The following DIRAS1 variants were observed in gnomAD, a reference collection of about 807,000 sequenced individuals.
The protein encoded by DIRAS1 is GTP-binding protein Di-Ras1.
Under a neutral mutation model 11.5 loss-of-function variants are expected in DIRAS1, and 3 were observed. That is an observed-to-expected ratio of 0.26 (90% CI 0.12 to 0.67). The LOEUF (loss-of-function observed/expected upper bound fraction) is 0.67. Ranked by LOEUF, DIRAS1 falls within the 30% of genes least tolerant of loss-of-function variation. DIRAS1 has a pLI of 0.80. For synonymous variants in DIRAS1, 128 were observed against 125.8 expected (o/e 1.02, Z -0.12); for missense variants, 212 against 285.3 (o/e 0.74, Z 1.85).
rs1913873763 is a variant in DIRAS1, at chr19:2,718,254, C to G, written c.-69-379G>C. Among the ~76,000 whole-genome samples the G allele has an allele frequency of 6.6e-6, 1 of 151,734 alleles. No individual in the cohort carries two copies. The highest frequency in any genetic ancestry group is 2.1e-4 in the South Asian group (1 of 4,798). On this transcript the variant is annotated intron_variant, in intron 1 of 1. Transcript: ENST00000323469. The surrounding 1 kb of genome is among the most constrained non-coding windows in gnomAD (Gnocchi z 4.2). Reference sequence around the variant, plus strand: ...CAGGGGCCCCTGGAAGCTAGCAGGCCTGGCTTCCACCTCTCGCTCCACACC... The same window carrying G: ...CAGGGGCCCCTGGAAGCTAGCAGGCGTGGCTTCCACCTCTCGCTCCACACC...
At chr19:2,719,346 T>C (rs916164306) in intron 1 of DIRAS1, among the ~76,000 whole-genome samples, 1 of 152,162 alleles carries the variant, frequency 6.6e-6, no homozygotes, top group Non-Finnish European at 1.5e-5. Flanking sequence ...TGGTGTGCCC[T>C]AGCCCCTCCC....
chr19:2,720,589 G>A (rs1568295811), intron 1 of DIRAS1, among the ~76,000 whole-genome samples: 2 of 152,198 alleles, frequency 1.3e-5, no homozygotes, highest in African/African-American at 2.4e-5. Flanking sequence ...ACCCCCAGAC[G>A]TCCAGGCAGG....
intron 1 of DIRAS1, among the ~76,000 whole-genome samples, chr19:2,719,845 G>A (rs1407856527): frequency 6.6e-6 from 1 of 152,220 alleles, no homozygotes; most frequent in African/African-American, 2.4e-5. Context: ...CCTGTACAGC[G>A]GAGACCCCGA....
rs1310514248 is a variant in DIRAS1, at chr19:2,718,771, C to T, written c.-69-896G>A. 6.6e-6 allele frequency among the ~76,000 whole-genome samples: 1 copy of T among 152,002 alleles called. No individual in the cohort carries two copies. Among genetic ancestry groups the T allele is most frequent in the Non-Finnish European group, 1.5e-5 (1 of 68,014 alleles). ...AACTCCTGACCTCAGGTGATCCACC[C>T]ACCTCGGCCTCCCAAAGTGCTGGGG... On this transcript the variant is annotated intron_variant, in intron 1 of 1. Coordinates refer to ENST00000323469, the MANE Select transcript of DIRAS1 (RefSeq NM_145173.4). The surrounding 1 kb of genome is among the most constrained non-coding windows in gnomAD (Gnocchi z 4.2).
chr19:2,717,911 C>A (rs771323632), intron 1 of DIRAS1, 36 bp from the exon 2 acceptor site: 4 of 1,254,486 alleles, frequency 3.2e-6, no homozygotes, highest in South Asian at 2.9e-5. Context: ...CAAAGGCCAC[C>A]CAGGCTTGAG....
At position 2,717,135 on chromosome 19, in the gene DIRAS1, C is replaced by A. The variant is rs1053012805; in HGVS notation, c.*75G>T. The A allele has an allele frequency of 4.4e-6, 6 of 1,358,864 alleles. No individual in the cohort carries two copies. The highest frequency in any genetic ancestry group is 2.7e-4 in the Middle Eastern group (1 of 3,674). 84.2% of individuals were successfully genotyped at this position (1,358,864 alleles called of 1,614,324 possible). The stretch of plus-strand genomic sequence containing the variant: ...GAAGGATGAGAGAAGAGGAGGAGGC[C>A]GAGGAGGGTGTCGGTGTTGGGGGAG... On this transcript the variant is annotated 3_prime_UTR_variant, in exon 2 of 2. Coordinates refer to ENST00000323469, the MANE Select transcript of DIRAS1 (RefSeq NM_145173.4).
At chr19:2,719,582 C>T (rs1157964646) in intron 1 of DIRAS1, among the ~76,000 whole-genome samples, 3 of 27,398 alleles carry the variant, frequency 1.1e-4, no homozygotes, top group Admixed American at 4.6e-4. Flanking sequence ...TCTGGGGCAG[C>T]GGTGGGGGGT....
Position 2,717,374 on chromosome 19 carries a change from C to T in DIRAS1, c.433G>A (p.Ala145Thr), listed in dbSNP as rs769610964. ...ATCTTGGCCGAGGTCTCCATGAAAG[C>T]GCACTTCCACTCCTGGGCCACCGCC... ...AQAVAQEWKCAFMETSAKMNY... is the reference protein window; with the variant it reads ...AQAVAQEWKCTFMETSAKMNY... Residue 145 changes from alanine to threonine, a missense_variant, in exon 2 of 2, where the codon GCT becomes ACT. Ala to Thr is a moderately conservative substitution (Grantham distance 58). Transcript: ENST00000323469. 4 of 1,608,954 alleles carry T rather than the reference C, an allele frequency of 2.5e-6. No homozygotes were observed. Among genetic ancestry groups the T allele is most frequent in the Non-Finnish European group, 3.4e-6 (4 of 1,179,962 alleles).
At chr19:2,719,525 C>G (rs1412298916) in intron 1 of DIRAS1, among the ~76,000 whole-genome samples, 1 of 142,778 alleles carries the variant, frequency 7.0e-6, no homozygotes, top group East Asian at 2.0e-4. Context: ...GGGCGGGTGG[C>G]TTATCTCCAG....
In DIRAS1 at chr19:2,721,321, T is replaced by G. The variant is rs976060396; in HGVS notation, c.-87A>C. Reference sequence around the variant, plus strand: ...CCGCCTACCTGGGCCCGCTGGTCCCTGCGGCGCCGCGGCCGCTGCTCCTGC... The same window carrying G: ...CCGCCTACCTGGGCCCGCTGGTCCCGGCGGCGCCGCGGCCGCTGCTCCTGC... On this transcript the variant is annotated 5_prime_UTR_variant, in exon 1 of 2. Coordinates refer to ENST00000323469, the MANE Select transcript of DIRAS1 (RefSeq NM_145173.4). The G allele has an allele frequency of 9.1e-5, 13 of 143,102 alleles. No homozygotes were observed. The highest frequency in any genetic ancestry group is 3.3e-4 in the African/African-American group (13 of 39,166). 8.9% of individuals were successfully genotyped at this position (143,102 alleles called of 1,614,324 possible). A position where few individuals can be genotyped will look rare whatever the true frequency, so the allele number is the denominator to read the frequency against.
rs1913869580 is a variant in DIRAS1 at position 2,718,049 on chromosome 19, C to T, written c.-69-174G>A. On this transcript the variant is annotated intron_variant, in intron 1 of 1. Transcript: ENST00000323469. The surrounding 1 kb of genome is among the most constrained non-coding windows in gnomAD (Gnocchi z 4.2). ...TGACTTTGCAGTTCTGTCCCACAGG[C>T]GGGCGCACAGCCAACACCCTTTGCT... 2 of 569,108 alleles carry T rather than the reference C, an allele frequency of 3.5e-6. No homozygotes were observed. The highest frequency in any genetic ancestry group is 2.4e-5 in the South Asian group (1 of 41,916). 35.3% of individuals were successfully genotyped at this position (569,108 alleles called of 1,614,324 possible). A position where few individuals can be genotyped will look rare whatever the true frequency, so the allele number is the denominator to read the frequency against.
intron 1 of DIRAS1, among the ~76,000 whole-genome samples, chr19:2,719,577 G>A (rs1913906015): frequency 6.6e-6 from 1 of 151,726 alleles, no homozygotes; most frequent in Non-Finnish European, 1.5e-5. Context: ...CAGGCTCTGG[G>A]GCAGCGGTGG....
At position 2,719,472 on chromosome 19, in the gene DIRAS1, C is replaced by T. The variant is rs991369329; in HGVS notation, c.-69-1597G>A. On this transcript the variant is annotated intron_variant, in intron 1 of 1. Transcript: ENST00000323469. ...AGCCTGAGGAGGTCACACAGCACAG[C>T]AGATCCTGAAATGATGGAGGTGGGG... 2.8e-4 allele frequency among the ~76,000 whole-genome samples: 38 copies of T among 134,612 alleles called. No homozygotes were observed. The Admixed American group carries it at 3.3e-3, about 12-fold the overall frequency. 88.3% of individuals were successfully genotyped at this position (134,612 alleles called of 152,430 possible). A position where few individuals can be genotyped will look rare whatever the true frequency, so the allele number is the denominator to read the frequency against.
chr19:2,717,546 G>C lies in DIRAS1; in HGVS notation c.261C>G (p.Ser87=), dbSNP rs148988882. The change falls in exon 2 of 2, where the codon TCC becomes TCG. Residue 87 remains serine (S), a synonymous_variant. Transcript: ENST00000323469. Reference sequence around the variant, plus strand: ...CCTCCAGCGACTGCTTGCTGGTGACGGAGAACACCAGGATGAAGGCGTGGC... The same window carrying C: ...CCTCCAGCGACTGCTTGCTGGTGACCGAGAACACCAGGATGAAGGCGTGGC... ...SKGHAFILVF[S]VTSKQSLEEL... is the part of the protein sequence containing the mutation. 6.2e-7 allele frequency: 1 copy of C among 1,613,280 alleles called. No homozygotes were observed. The highest frequency in any genetic ancestry group is 1.1e-5 in the South Asian group (1 of 91,084).
In DIRAS1 at chr19:2,718,145, C is replaced by G. The variant is rs941647707; in HGVS notation, c.-69-270G>C. On this transcript the variant is annotated intron_variant, in intron 1 of 1. Transcript: ENST00000323469. The surrounding 1 kb of genome is among the most constrained non-coding windows in gnomAD (Gnocchi z 4.2). The stretch of plus-strand genomic sequence containing the variant: ...GCTGAGCTAGGAGAGGCGTGGGAGA[C>G]GCCGGGATGCCCACGAAACTCCTTC... Among the ~76,000 whole-genome samples the G allele has an allele frequency of 6.6e-6, 1 of 152,232 alleles. No individual in the cohort carries two copies. The highest frequency in any genetic ancestry group is 1.9e-4 in the East Asian group (1 of 5,198).
intron 1 of DIRAS1, among the ~76,000 whole-genome samples, chr19:2,720,637 T>A (rs994982839): frequency 6.9e-6 from 1 of 144,110 alleles, no homozygotes; most frequent in South Asian, 2.6e-4. Context: ...GAAGCCCGGC[T>A]CCCGGCCGGG....
At position 2,715,994 on chromosome 19, in the gene DIRAS1, A is replaced by G. The variant is rs1255724284; in HGVS notation, c.*1216T>C. The G allele has an allele frequency of 6.6e-6, 1 of 152,316 alleles. No homozygotes were observed. Among genetic ancestry groups the G allele is most frequent in the Non-Finnish European group, 1.5e-5 (1 of 68,100 alleles). The allele number at this position is 152,316 out of a possible 1,614,324, so 9.4% of individuals were successfully genotyped here. On this transcript the variant is annotated 3_prime_UTR_variant, in exon 2 of 2. Coordinates refer to ENST00000323469, the MANE Select transcript of DIRAS1 (RefSeq NM_145173.4). ...TACACACACAGACTGCCACAAAAAC[A>G]TATCATCCCAGACAGACACACACAG...
intron 1 of DIRAS1, among the ~76,000 whole-genome samples, chr19:2,719,508 G>T (rs1026969011): frequency 9.3e-5 from 14 of 151,284 alleles, no homozygotes; most frequent in Admixed American, 2.0e-4. Context: ...GAAGAACGCT[G>T]GGGGGAGGGC....
chr19:2,717,127 G>A lies in DIRAS1; in HGVS notation c.*83C>T. 1.4e-6 allele frequency: 2 copies of A among 1,397,204 alleles called. No individual in the cohort carries two copies. Among genetic ancestry groups the A allele is most frequent in the Non-Finnish European group, 1.9e-6 (2 of 1,032,512 alleles). 86.6% of individuals were successfully genotyped at this position (1,397,204 alleles called of 1,614,324 possible). ...TGTCGGAGGAAGGATGAGAGAAGAG[G>A]AGGAGGCCGAGGAGGGTGTCGGTGT... On this transcript the variant is annotated 3_prime_UTR_variant, in exon 2 of 2. Coordinates refer to ENST00000323469, the MANE Select transcript of DIRAS1 (RefSeq NM_145173.4).
Sources: gnomAD v4.1 joint callset for allele counts (sites outside exome capture counted in the v4.1 genomes callset) on GRCh38, gnomAD v4.1.1 for gene constraint, Gnocchi (gnomAD v3.1) non-coding constraint, MANE v1.5 for transcripts, NCBI Gene and HGNC (gene_info 2026-07-23, HGNC 2026-07-21) for gene names.